The following ARG2 variants were observed in gnomAD, a reference collection of about 807,000 sequenced individuals.
ARG2 encodes arginase-2, mitochondrial.
In ARG2, 21 loss-of-function variants were observed where a neutral mutation model predicts 39.4. That is an observed-to-expected ratio of 0.53 (90% CI 0.38 to 0.77). The LOEUF (loss-of-function observed/expected upper bound fraction) is 0.77. Among genes scored for constraint, ARG2 ranks in the 30% least tolerant of loss-of-function variants. The pLI, the probability that ARG2 is intolerant of heterozygous loss-of-function variation, is 0.00. For synonymous variants in ARG2, 150 were observed against 156.7 expected (o/e 0.96, Z 0.32); for missense variants, 378 against 426.2 (o/e 0.89, Z 1.00).
At chr14:67,647,311 CT>C in intron 6 of ARG2, 1 of 289,352 alleles carries the variant, frequency 3.5e-6, no homozygotes, top group Non-Finnish European at 6.4e-6. Flanking sequence ...ATTGTTTCAA[CT>C]GTCCCATTCT....
intron 1 of ARG2, 132 bp from the exon 2 acceptor site, chr14:67,620,758 TGGAA>T: frequency 1.3e-6 from 1 of 783,104 alleles, no homozygotes; most frequent in Non-Finnish European, 2.1e-6. Flanking sequence ...ACAATGGAGT[TGGAA>T]GGACAGTCAT....
At chr14:67,630,586 A>T (rs1372566912) in intron 2 of ARG2, among the ~76,000 whole-genome samples, 2 of 152,204 alleles carry the variant, frequency 1.3e-5, no homozygotes, top group East Asian at 1.9e-4. Flanking sequence ...ATGTTTATTT[A>T]TTTATTTATT....
chr14:67,645,568 T>C, intron 3 of ARG2, 75 bp from the exon 4 acceptor site: 1 of 1,528,008 alleles, frequency 6.5e-7, no homozygotes, highest in Non-Finnish European at 8.9e-7. Context: ...GTATAAGTTG[T>C]TTTGGCTGAG....
intron 1 of ARG2, 90 bp from the exon 2 acceptor site, chr14:67,620,804 C>T: frequency 7.5e-7 from 1 of 1,325,186 alleles, no homozygotes; most frequent in African/African-American, 1.5e-5. Flanking sequence ...CACAGGTTTT[C>T]AGAGGAACCT....
Position 67,647,319 on chromosome 14 carries a change from T to C in ARG2, c.722+294T>C, listed in dbSNP as rs186933623. 3 of 274,360 alleles carry C rather than the reference T, an allele frequency of 1.1e-5. No individual in the cohort carries two copies. The East Asian group carries it at 2.3e-4, about 21-fold the overall frequency. The allele number at this position is 274,360 out of a possible 1,614,324, so 17.0% of individuals were successfully genotyped here. On this transcript the variant is annotated intron_variant, in intron 6 of 7. Coordinates refer to ENST00000261783, the MANE Select transcript of ARG2 (RefSeq NM_001172.4). Reference sequence around the variant, plus strand: ...AGCATTTATTGTTTCAACTGTCCCATTCTTCCCAGCCTCACGATTGTTTCA... The same window carrying C: ...AGCATTTATTGTTTCAACTGTCCCACTCTTCCCAGCCTCACGATTGTTTCA...
At chr14:67,633,486 C>T (rs924240913) in intron 2 of ARG2, among the ~76,000 whole-genome samples, 4 of 152,236 alleles carry the variant, frequency 2.6e-5, no homozygotes, top group African/African-American at 9.6e-5. Flanking sequence ...GTCTCTAACA[C>T]ATCAATGTCA....
intron 2 of ARG2, among the ~76,000 whole-genome samples, chr14:67,628,246 C>T (rs563551992): frequency 2.3e-4 from 35 of 152,276 alleles, no homozygotes; most frequent in Non-Finnish European, 3.1e-4. Flanking sequence ...ATAGGTCTCA[C>T]TATGTTGCCC....
rs532853693 is a variant in ARG2 at position 67,623,140 on chromosome 14, G to T, written c.184+2174G>T. 1.6e-4 allele frequency among the ~76,000 whole-genome samples: 24 copies of T among 152,248 alleles called. 1 individual carries two copies. The South Asian group carries it at 5.0e-3, about 32-fold the overall frequency. ...GACTGGTAGCTCAGTATCACCAGCA[G>T]TCTGAAATAGAATCTCATAGCCTAT... On this transcript the variant is annotated intron_variant, in intron 2 of 7. Transcript: ENST00000261783.
At chr14:67,645,868 C>G (rs2037091927) in intron 4 of ARG2, 66 bp downstream of exon 4, 7 of 1,564,842 alleles carry the variant, frequency 4.5e-6, no homozygotes, top group East Asian at 2.2e-5. Context: ...TGGTCTAGTT[C>G]AGTTAAGATT....
chr14:67,627,256 G>GATAGATATATATATATAT (rs1555379492), intron 2 of ARG2, among the ~76,000 whole-genome samples: 9 of 133,744 alleles, frequency 6.7e-5, no homozygotes, highest in African/African-American at 2.7e-4. Flanking sequence ...TCAGTAAGGA[G>GATAGATATATATATATAT]ATATATATAT....
intron 4 of ARG2, 112 bp from the exon 5 acceptor site, chr14:67,646,532 T>TA (rs1393481306): frequency 2.5e-6 from 2 of 812,338 alleles, no homozygotes; most frequent in African/African-American, 3.4e-5. Flanking sequence ...GCTCTAAACT[T>TA]ACCCTGTGGG....
intron 2 of ARG2, 52 bp downstream of exon 2, chr14:67,621,018 C>T: frequency 1.3e-6 from 2 of 1,547,864 alleles, no homozygotes. Flanking sequence ...TAGACCACTT[C>T]AGAGTCTTTT....
rs1594830280 is a variant in ARG2 at position 67,646,991 on chromosome 14, G to T, written c.688G>T (p.Val230Phe). The part of the protein sequence containing the change: ...RDIDRLGIQK[V>F]MERTFDLLIG... ...TATTGATCGACTTGGTATCCAGAAGGTCATGGAACGAACATTTGATCTGCT... is the reference window on the plus strand; with the variant it reads ...TATTGATCGACTTGGTATCCAGAAGTTCATGGAACGAACATTTGATCTGCT... Residue 230 changes from valine to phenylalanine, a missense_variant, in exon 6 of 8, where the codon GTC becomes TTC. Val to Phe is a conservative substitution (Grantham distance 50). Transcript: ENST00000261783. 6.2e-7 allele frequency: 1 copy of T among 1,612,838 alleles called. No homozygotes were observed. Among genetic ancestry groups the T allele is most frequent in the African/African-American group, 1.3e-5 (1 of 74,992 alleles).
At chr14:67,630,938 C>A (rs1270928766) in intron 2 of ARG2, among the ~76,000 whole-genome samples, 1 of 152,188 alleles carries the variant, frequency 6.6e-6, no homozygotes. Flanking sequence ...CAGCTAAAAA[C>A]CTTTTCTTTC....
intron 3 of ARG2, among the ~76,000 whole-genome samples, chr14:67,645,144 G>A (rs753353606): frequency 1.7e-4 from 25 of 151,410 alleles, no homozygotes; most frequent in African/African-American, 5.1e-4. Flanking sequence ...TTGGTGAGTC[G>A]TTACCTATAG....
rs1030756780 is a variant in ARG2 at position 67,650,777 on chromosome 14, G to A, written c.922G>A (p.Ala308Thr). ...TCAGTTGGCCACCTCAGAGGAAGAG[G>A]CGAAGACTACAGCTAACCTGGCAGT... ...NPQLATSEEEAKTTANLAVDV... is the reference protein window; with the variant it reads ...NPQLATSEEETKTTANLAVDV... The change falls in exon 8 of 8, where the codon GCG becomes ACG. Residue 308 changes from alanine to threonine, a missense_variant. Physicochemically the swap from Ala to Thr is moderately conservative, Grantham distance 58 (BLOSUM62 0). Transcript: ENST00000261783. 36 of 1,614,006 alleles carry A rather than the reference G, an allele frequency of 2.2e-5. No homozygotes were observed. Among genetic ancestry groups the A allele is most frequent in the Non-Finnish European group, 2.8e-5 (33 of 1,180,032 alleles).
At chr14:67,647,984 G>A (rs1025526653) in intron 6 of ARG2, 63 bp from the exon 7 acceptor site, 14 of 1,461,340 alleles carry the variant, frequency 9.6e-6, no homozygotes, top group African/African-American at 7.0e-5. Flanking sequence ...TAAGAAGGAT[G>A]AGTGTCCAAG....
At chr14:67,627,237 C>T (rs916503354) in intron 2 of ARG2, among the ~76,000 whole-genome samples, 3 of 129,438 alleles carry the variant, frequency 2.3e-5, no homozygotes, top group African/African-American at 9.3e-5. Flanking sequence ...AAAAACTAGG[C>T]AATTGTGATC....
chr14:67,642,181 T>C lies in ARG2; in HGVS notation c.185-5T>C. The C allele has an allele frequency of 1.2e-6, 2 of 1,612,872 alleles. No individual in the cohort carries two copies. The highest frequency in any genetic ancestry group is 4.5e-5 in the East Asian group (2 of 44,858). ...TTCATCTTGTCATCCCTCATTTGCTTCCAGGCTGCCACCTAAAAGACTTTG... is the reference window on the plus strand; with the variant it reads ...TTCATCTTGTCATCCCTCATTTGCTCCCAGGCTGCCACCTAAAAGACTTTG... On this transcript the variant is annotated splice_region_variant and splice_polypyrimidine_tract_variant and intron_variant, in intron 2 of 7. Transcript: ENST00000261783.
Sources: gnomAD v4.1 joint callset for allele counts (sites outside exome capture counted in the v4.1 genomes callset) on GRCh38, gnomAD v4.1.1 for gene constraint, MANE v1.5 for transcripts, NCBI Gene and HGNC (gene_info 2026-07-23, HGNC 2026-07-21) for gene names.